The following SGCZ variants were observed in gnomAD, a reference collection of about 807,000 sequenced individuals.
The protein encoded by SGCZ is zeta-sarcoglycan.
In SGCZ, 40 loss-of-function variants were observed where a neutral mutation model predicts 41.3. The observed-to-expected ratio is 0.97, with a 90% CI of 0.75 to 1.26. The LOEUF (loss-of-function observed/expected upper bound fraction) is 1.26. Among genes scored for constraint, SGCZ ranks in the 50% most tolerant of loss-of-function variants. The pLI is 0.00. For missense variants in SGCZ, 552 were observed against 369.8 expected, an observed-to-expected ratio of 1.49 and a Z score of -4.04; for synonymous variants, 206 against 137.5, an observed-to-expected ratio of 1.50 and a Z score of -3.49.
intron 1 of SGCZ, among the ~76,000 whole-genome samples, chr8:14,994,507 C>A (rs541791110): frequency 6.6e-6 from 1 of 151,874 alleles, no homozygotes; most frequent in East Asian, 1.9e-4. Flanking sequence ...TTGCTTGAAC[C>A]CAGGAGGCGG....
At chr8:14,958,215 T>TA (rs1563391193) in intron 1 of SGCZ, among the ~76,000 whole-genome samples, 1 of 151,764 alleles carries the variant, frequency 6.6e-6, no homozygotes, top group Non-Finnish European at 1.5e-5. Context: ...TTCTGATGAG[T>TA]AAAAAAGGGA....
chr8:14,498,380 T>G (rs1459023714), intron 2 of SGCZ, among the ~76,000 whole-genome samples: 1 of 152,154 alleles, frequency 6.6e-6, no homozygotes, highest in Non-Finnish European at 1.5e-5. Context: ...TTCTGATACA[T>G]TTTGGTTGAT....
chr8:14,479,794 G>A (rs1305856237), intron 2 of SGCZ, among the ~76,000 whole-genome samples: 1 of 137,198 alleles, frequency 7.3e-6, no homozygotes, highest in African/African-American at 2.9e-5. Context: ...TGCAGTGCTT[G>A]GAGTGCAATC....
intron 1 of SGCZ, among the ~76,000 whole-genome samples, chr8:14,634,963 A>G (rs1806780083): frequency 6.6e-6 from 1 of 151,860 alleles, no homozygotes; most frequent in Non-Finnish European, 1.5e-5. Context: ...TTGATGCATT[A>G]TGATATTTAA....
At chr8:14,913,700 T>C (rs1799344384) in intron 1 of SGCZ, among the ~76,000 whole-genome samples, 1 of 152,066 alleles carries the variant, frequency 6.6e-6, no homozygotes, top group South Asian at 2.1e-4. Flanking sequence ...GTGGGATATA[T>C]TTAATAAATG....
chr8:14,960,180 G>A (rs17654841), intron 1 of SGCZ, among the ~76,000 whole-genome samples: 32,594 of 152,004 alleles, frequency 0.21, 4,315 homozygotes, highest in East Asian at 0.36. Flanking sequence ...TTTTACCAAC[G>A]CTCTTTGAGG....
chr8:14,892,339 G>T (rs753170769), intron 1 of SGCZ, among the ~76,000 whole-genome samples: 1 of 152,090 alleles, frequency 6.6e-6, no homozygotes, highest in Non-Finnish European at 1.5e-5. Context: ...TCAAAAGCGT[G>T]ATGCTCATAT....
At chr8:14,235,496 A>G (rs1806723144) in intron 4 of SGCZ, among the ~76,000 whole-genome samples, 1 of 152,210 alleles carries the variant, frequency 6.6e-6, no homozygotes, top group Non-Finnish European at 1.5e-5. Flanking sequence ...CCAATATAAC[A>G]TTAAAATCAG....
chr8:14,868,983 G>T (rs1804041102), intron 1 of SGCZ, among the ~76,000 whole-genome samples: 1 of 152,104 alleles, frequency 6.6e-6, no homozygotes, highest in Non-Finnish European at 1.5e-5. Flanking sequence ...GGACCAGACA[G>T]ATTCACAGCC....
intron 1 of SGCZ, among the ~76,000 whole-genome samples, chr8:15,129,860 T>C (rs777489470): frequency 1.3e-4 from 20 of 152,114 alleles, no homozygotes; most frequent in Non-Finnish European, 2.8e-4. Flanking sequence ...CCACGTCCTC[T>C]GTGTCCTCAG....
intron 2 of SGCZ, among the ~76,000 whole-genome samples, chr8:14,353,655 C>A (rs1397477097): frequency 1.3e-5 from 2 of 151,982 alleles, no homozygotes; most frequent in Admixed American, 1.3e-4. Context: ...ATTTTTTCTG[C>A]CCTATCAGAC....
rs188967853 is a variant in SGCZ, at chr8:14,363,166, T to C, written c.235-38962A>G. Among the ~76,000 whole-genome samples the C allele has an allele frequency of 2.0e-5, 3 of 152,276 alleles. No individual in the cohort carries two copies. The East Asian group carries it at 5.8e-4, about 29-fold the overall frequency. ...ACTTCCATAAAAACTAAAGACATTC[T>C]GAAAAAAGCAATGTGACTTTTGATG... On this transcript the variant is annotated intron_variant, in intron 2 of 7. Coordinates refer to ENST00000382080, the MANE Select transcript of SGCZ (RefSeq NM_139167.4).
At chr8:14,909,481 G>T (rs1455038427) in intron 1 of SGCZ, among the ~76,000 whole-genome samples, 9 of 151,670 alleles carry the variant, frequency 5.9e-5, no homozygotes, top group Admixed American at 5.9e-4. Context: ...AATCTTAAGA[G>T]GTTATCTTAA....
At chr8:14,796,700 T>C (rs531969560) in intron 1 of SGCZ, among the ~76,000 whole-genome samples, 4 of 152,260 alleles carry the variant, frequency 2.6e-5, no homozygotes, top group Admixed American at 6.5e-5. Flanking sequence ...TGGGCAGAGG[T>C]AACAGATGTC....
intron 1 of SGCZ, among the ~76,000 whole-genome samples, chr8:14,931,962 C>T (rs1358612847): frequency 2.0e-5 from 3 of 151,856 alleles, no homozygotes; most frequent in Non-Finnish European, 4.4e-5. Context: ...AGACAGCTCG[C>T]ATAATGTTAA....
chr8:14,770,956 A>C (rs754248403), intron 1 of SGCZ, among the ~76,000 whole-genome samples: 4 of 152,198 alleles, frequency 2.6e-5, no homozygotes, highest in Non-Finnish European at 5.9e-5. Context: ...TGACAGATGA[A>C]GTTTCCAGGA....
At chr8:14,482,759 T>C (rs1460972253) in intron 2 of SGCZ, among the ~76,000 whole-genome samples, 1 of 151,842 alleles carries the variant, frequency 6.6e-6, no homozygotes, top group Non-Finnish European at 1.5e-5. Context: ...CAGAGGAAGG[T>C]AGAATGCTGT....
chr8:14,087,305 G>GT lies in SGCZ; in HGVS notation c.*3137dup, dbSNP rs146164517. On this transcript the variant is annotated 3_prime_UTR_variant, in exon 8 of 8. Transcript: ENST00000382080. ...TTTGGAAGTTTTTGTTGTTCTTGCT[G>GT]TTTTTTTTTGAAGTATTTAATTGAA... Among the ~76,000 whole-genome samples the GT allele has an allele frequency of 2.9e-4, 43 of 150,726 alleles. No homozygotes were observed. The highest frequency in any genetic ancestry group is 2.7e-3 in the South Asian group (13 of 4,804).
chr8:15,037,374 T>G (rs1480288558), intron 1 of SGCZ, among the ~76,000 whole-genome samples: 1 of 152,212 alleles, frequency 6.6e-6, no homozygotes, highest in Non-Finnish European at 1.5e-5. Context: ...CAGCCAGAAT[T>G]ATAAGTTTTC....
Sources: allele counts gnomAD v4.1 joint callset (sites outside exome capture counted in the v4.1 genomes callset), GRCh38; gene constraint gnomAD v4.1.1; transcripts MANE v1.5; gene names NCBI Gene and HGNC (gene_info 2026-07-23, HGNC 2026-07-21).